The following AGBL1 variants were observed in gnomAD, a reference collection of about 807,000 sequenced individuals.
The protein encoded by AGBL1 is cytosolic carboxypeptidase 4.
In AGBL1, 130 loss-of-function variants were observed where a neutral mutation model predicts 118.9. The observed-to-expected ratio is 1.09, with a 90% CI of 0.95 to 1.26. The LOEUF (loss-of-function observed/expected upper bound fraction) is 1.26. Ranked by LOEUF, AGBL1 falls within the 50% of genes most tolerant of loss-of-function variation. AGBL1 has a pLI of 0.00. For synonymous variants in AGBL1, 555 were observed against 478.9 expected (o/e 1.16, Z -2.08); for missense variants, 1,584 against 1,298.1 (o/e 1.22, Z -3.38).
At position 86,554,437 on chromosome 15, in the gene AGBL1, G is replaced by A. The variant is rs1046025870; in HGVS notation, c.2894G>A (p.Arg965Gln). ...TGCAGCTTTCTCGTGGAGAAATCTC[G>A]AGCTTCCACGGCCCGGGTGGTGGTG... ...SSCSFLVEKSRASTARVVVWR... is the reference protein window; with the variant it reads ...SSCSFLVEKSQASTARVVVWR... The change falls in exon 21 of 23, where the codon CGA (arginine) becomes CAA (glutamine). Residue 965 changes from arginine to glutamine, a missense_variant. Coordinates refer to ENST00000614907, the MANE Select transcript of AGBL1 (RefSeq NM_001386094.1). 5 of 1,587,424 alleles carry A rather than the reference G, an allele frequency of 3.1e-6. No homozygotes were observed. Among genetic ancestry groups the A allele is most frequent in the South Asian group, 1.2e-5 (1 of 86,626 alleles).
chr15:86,503,035 A>G (rs767483823), intron 18 of AGBL1, among the ~76,000 whole-genome samples: 1 of 151,526 alleles, frequency 6.6e-6, no homozygotes, highest in Admixed American at 6.6e-5. Context: ...CACTGAGGCC[A>G]TGCAGAATTC....
chr15:86,408,167 G>A (rs181512315), intron 18 of AGBL1, among the ~76,000 whole-genome samples: 8 of 152,104 alleles, frequency 5.3e-5, no homozygotes, highest in African/African-American at 1.4e-4. Context: ...AAGCTTACAT[G>A]ATCACAAGCT....
intron 6 of AGBL1, 32 bp from the exon 7 acceptor site, chr15:86,247,639 G>T: frequency 2.6e-6 from 4 of 1,564,736 alleles, no homozygotes; most frequent in Non-Finnish European, 3.5e-6. Context: ...TGGAGAGCCT[G>T]TGACTGACCC....
At chr15:86,769,116 G>C (rs1378230116) in intron 22 of AGBL1, among the ~76,000 whole-genome samples, 3 of 150,146 alleles carry the variant, frequency 2.0e-5, no homozygotes, top group African/African-American at 7.4e-5. Flanking sequence ...CATGCAATGG[G>C]ATACATTACA....
At chr15:86,667,538 G>A (rs934300501) in intron 21 of AGBL1, among the ~76,000 whole-genome samples, 7 of 152,108 alleles carry the variant, frequency 4.6e-5, no homozygotes, top group African/African-American at 1.7e-4. Context: ...ATAAATATTA[G>A]ACTGTTTAAT....
At chr15:86,640,182 T>C (rs2142465210) in intron 21 of AGBL1, among the ~76,000 whole-genome samples, 1 of 152,270 alleles carries the variant, frequency 6.6e-6, no homozygotes, top group South Asian at 2.1e-4. Context: ...ATGCTCCACC[T>C]AGACCACCAG....
chr15:86,246,422 C>CT (rs1402875290), intron 6 of AGBL1, among the ~76,000 whole-genome samples: 2 of 152,076 alleles, frequency 1.3e-5, no homozygotes, highest in African/African-American at 4.8e-5. Flanking sequence ...GGGACTGGGC[C>CT]TTTTTTAAGG....
chr15:86,160,100 T>G (rs771959725), intron 5 of AGBL1, among the ~76,000 whole-genome samples: 43 of 49,004 alleles, frequency 8.8e-4, no homozygotes, highest in Non-Finnish European at 9.7e-4. Context: ...GGAACTGTGG[T>G]TTTTTTTTTT....
intron 18 of AGBL1, among the ~76,000 whole-genome samples, chr15:86,407,112 C>T (rs1416559859): frequency 2.0e-5 from 3 of 152,110 alleles, no homozygotes; most frequent in East Asian, 3.9e-4. Flanking sequence ...CATTATCAAC[C>T]TTTTCATTTT....
At chr15:86,494,510 A>G (rs1452373534) in intron 18 of AGBL1, among the ~76,000 whole-genome samples, 2 of 152,078 alleles carry the variant, frequency 1.3e-5, no homozygotes, top group African/African-American at 4.8e-5. Context: ...TGGTGTGCTT[A>G]GAGTGTTGAT....
intron 16 of AGBL1, among the ~76,000 whole-genome samples, chr15:86,290,021 T>G (rs1485800967): frequency 6.6e-6 from 1 of 152,178 alleles, no homozygotes; most frequent in African/African-American, 2.4e-5. Flanking sequence ...TACTAAGTAC[T>G]GCCTTTCAGT....
intron 6 of AGBL1, 76 bp downstream of exon 6, chr15:86,225,027 C>G: frequency 7.6e-7 from 1 of 1,324,214 alleles, no homozygotes; most frequent in Non-Finnish European, 1.0e-6. Flanking sequence ...GTCCCCATGG[C>G]TGTTTCTTTT....
At chr15:86,231,765 G>A (rs761162634) in intron 6 of AGBL1, among the ~76,000 whole-genome samples, 37 of 152,224 alleles carry the variant, frequency 2.4e-4, no homozygotes, top group Non-Finnish European at 4.0e-4. Flanking sequence ...AGACCCCTGG[G>A]ACCTGAGCTC....
At chr15:86,641,611 T>C (rs2085192605) in intron 21 of AGBL1, among the ~76,000 whole-genome samples, 1 of 152,206 alleles carries the variant, frequency 6.6e-6, no homozygotes, top group South Asian at 2.1e-4. Context: ...CTTTGGACTT[T>C]ATATAAATGC....
intron 18 of AGBL1, among the ~76,000 whole-genome samples, chr15:86,476,013 T>C (rs2082553924): frequency 6.6e-6 from 1 of 152,144 alleles, no homozygotes; most frequent in Non-Finnish European, 1.5e-5. Context: ...TAAAATCCTT[T>C]ACAGACAAGC....
At chr15:86,742,539 A>G (rs2077695149) in intron 22 of AGBL1, among the ~76,000 whole-genome samples, 1 of 152,010 alleles carries the variant, frequency 6.6e-6, no homozygotes, top group Admixed American at 6.6e-5. Flanking sequence ...GGGAAGGAAA[A>G]AGAAGCACCT....
intron 18 of AGBL1, among the ~76,000 whole-genome samples, chr15:86,417,765 A>G (rs942687741): frequency 6.6e-6 from 1 of 152,198 alleles, no homozygotes; most frequent in African/African-American, 2.4e-5. Flanking sequence ...AGAGACTGGC[A>G]TGTTCAGAGC....
chr15:86,708,446 G>T (rs1180070747), intron 22 of AGBL1, among the ~76,000 whole-genome samples: 1 of 152,110 alleles, frequency 6.6e-6, no homozygotes, highest in Non-Finnish European at 1.5e-5. Context: ...GCTAGACCTT[G>T]ATCTTGGACT....
chr15:86,469,621 G>A (rs1177569605), intron 18 of AGBL1, among the ~76,000 whole-genome samples: 1 of 152,088 alleles, frequency 6.6e-6, no homozygotes, highest in Non-Finnish European at 1.5e-5. Flanking sequence ...CTGGATCATA[G>A]GGTAGTTCAT....
Sources: gnomAD v4.1 joint callset for allele counts (sites outside exome capture counted in the v4.1 genomes callset) on GRCh38, gnomAD v4.1.1 for gene constraint, MANE v1.5 for transcripts, NCBI Gene and HGNC (gene_info 2026-07-23, HGNC 2026-07-21) for gene names.